Variants in PPID observed in about 807,000 individuals in gnomAD.
The protein encoded by PPID is peptidyl-prolyl cis-trans isomerase D.
In PPID, 47 loss-of-function variants were observed where a neutral mutation model predicts 48.1. The ratio of observed to expected loss-of-function variants is 0.98; its 90% CI spans 0.77 to 1.25. PPID has a LOEUF of 1.25. Ranked by LOEUF, PPID falls within the 50% of genes most tolerant of loss-of-function variation. The pLI is 0.00. For missense variants in PPID, 429 were observed against 443.5 expected (o/e 0.97, Z 0.29); for synonymous variants, 163 against 148.8 (o/e 1.10, Z -0.69).
intron 9 of PPID, chr4:158,710,109 C>T: frequency 2.4e-6 from 1 of 422,232 alleles, no homozygotes; most frequent in African/African-American, 2.0e-5. Flanking sequence ...AGACCAAAGA[C>T]ATTTTGTAAT....
In PPID at chr4:158,721,334, T is replaced by C. The variant is rs1438693764; in HGVS notation, c.226+9A>G. ...GAAGAATAACAAGATTAAGAAAATT[T>C]ACACATACTTCGATGAAAAGGGCAT... On this transcript the variant is annotated intron_variant, in intron 2 of 9. Coordinates refer to ENST00000307720, the MANE Select transcript of PPID (RefSeq NM_005038.3). 1 of 1,613,184 alleles carries C rather than the reference T, an allele frequency of 6.2e-7. No individual in the cohort carries two copies. The highest frequency in any genetic ancestry group is 8.5e-7 in the Non-Finnish European group (1 of 1,179,440).
At chr4:158,710,994 T>C (rs1774781415) in intron 7 of PPID, 146 bp from the exon 8 acceptor site, 3 of 716,460 alleles carry the variant, frequency 4.2e-6, no homozygotes, top group Non-Finnish European at 6.9e-6. Flanking sequence ...CCTCTGCCAG[T>C]GGGCACTAAG....
chr4:158,719,967 C>A (rs964811192), intron 2 of PPID, among the ~76,000 whole-genome samples: 2 of 152,142 alleles, frequency 1.3e-5, no homozygotes, highest in Non-Finnish European at 2.9e-5. Context: ...ATGCTTTCTC[C>A]GTCCCATGAA....
rs375804461 is a variant in PPID, at chr4:158,710,664, G to A, written c.988C>T (p.Leu330Phe). The part of the protein sequence containing the change: ...LKEYDQALAD[L>F]KKAQGIAPED... ...GGTGCTATCCCCTGAGCTTTCTTAA[G>A]ATCAGCCTTTAATTGGAAAAAAACA... The change falls in exon 9 of 10, where the codon CTT becomes TTT. Residue 330 changes from leucine to phenylalanine, a missense_variant. Physicochemically the swap from Leu to Phe is conservative, Grantham distance 22. Coordinates refer to ENST00000307720, the MANE Select transcript of PPID (RefSeq NM_005038.3). 1.2e-6 allele frequency: 2 copies of A among 1,613,740 alleles called. No homozygotes were observed. The highest frequency in any genetic ancestry group is 2.2e-5 in the East Asian group (1 of 44,870).
At chr4:158,720,558 TAAACA>T (rs1213617801) in intron 2 of PPID, among the ~76,000 whole-genome samples, 1 of 152,178 alleles carries the variant, frequency 6.6e-6, no homozygotes, top group Non-Finnish European at 1.5e-5. Context: ...CCATTATCAC[TAAACA>T]AAAGTATGAT....
In PPID at chr4:158,721,480, C is replaced by T. The variant is rs1187991058; in HGVS notation, c.89G>A (p.Gly30Asp). The T allele has an allele frequency of 1.2e-6, 2 of 1,612,620 alleles. No individual in the cohort carries two copies. Among genetic ancestry groups the T allele is most frequent in the African/African-American group, 2.7e-5 (2 of 74,856 alleles). ...FDVDIGGERV[G>D]RIVLELFADI... ...TGCAAACAATTCTAAGACAATTCGACCAACTAAAAGAAAAGAAAATCTTGT... is the reference window on the plus strand; with the variant it reads ...TGCAAACAATTCTAAGACAATTCGATCAACTAAAAGAAAAGAAAATCTTGT... Residue 30 changes from glycine to aspartate, a missense_variant, in exon 2 of 10, where the codon GGT becomes GAT. Gly to Asp is a moderately conservative substitution (Grantham distance 94). Coordinates refer to ENST00000307720, the MANE Select transcript of PPID (RefSeq NM_005038.3).
chr4:158,723,387 G>A lies in PPID; in HGVS notation c.-99C>T. 3 of 1,211,932 alleles carry A rather than the reference G, an allele frequency of 2.5e-6. No homozygotes were observed. The highest frequency in any genetic ancestry group is 2.5e-5 in the East Asian group (1 of 39,400). 75.1% of individuals were successfully genotyped at this position (1,211,932 alleles called of 1,614,324 possible). ...TCCGTCTCCGCCGGAGACCGGCAGC[G>A]ACGCTGACCGGCCACTTCCGACGCA... is the stretch of plus-strand genomic sequence containing the variant. On this transcript the variant is annotated 5_prime_UTR_variant, in exon 1 of 10. Coordinates refer to ENST00000307720, the MANE Select transcript of PPID (RefSeq NM_005038.3).
intron 5 of PPID, 72 bp from the exon 6 acceptor site, chr4:158,715,475 G>C (rs997490311): frequency 1.0e-5 from 16 of 1,543,626 alleles, no homozygotes; most frequent in Non-Finnish European, 8.8e-7. Context: ...TATCATATGA[G>C]AGACTGAAAC....
At chr4:158,719,681 A>G (rs937747284) in intron 2 of PPID, among the ~76,000 whole-genome samples, 38 of 152,236 alleles carry the variant, frequency 2.5e-4, no homozygotes, top group African/African-American at 8.7e-4. Context: ...TTACATCCTT[A>G]TAACTATGTG....
In PPID at chr4:158,713,843, T is replaced by C. The variant is rs142923966; in HGVS notation, c.753-583A>G. Among the ~76,000 whole-genome samples the C allele has an allele frequency of 1.7e-3, 255 of 152,166 alleles. 2 individuals carry two copies. Among genetic ancestry groups the C allele is most frequent in the African/African-American group, 5.8e-3 (242 of 41,508 alleles). The stretch of plus-strand genomic sequence containing the variant: ...GAAAGGGGCCTTCCACTGAACAAAT[T>C]TGGAACCCTTTGGGCATGAAAAAGA... On this transcript the variant is annotated intron_variant, in intron 6 of 9. Coordinates refer to ENST00000307720, the MANE Select transcript of PPID (RefSeq NM_005038.3).
In PPID at chr4:158,713,139, C is replaced by T. The variant is rs1488657103; in HGVS notation, c.874G>A (p.Ala292Thr). 6.2e-7 allele frequency: 1 copy of T among 1,614,036 alleles called. No individual in the cohort carries two copies. The highest frequency in any genetic ancestry group is 1.1e-5 in the South Asian group (1 of 91,078). Reference protein sequence around the residue: ...CKLKMSNWQGAIDSCLEALEL... With the variant: ...CKLKMSNWQGTIDSCLEALEL... ...CTTACCTCTAAACAACTGTCAATTG[C>T]TCCCTGCCAATTTGACATCTTCAGT... The change falls in exon 7 of 10, where the codon GCA (alanine) becomes ACA (threonine). Residue 292 changes from alanine (A) to threonine (T), a missense_variant. Transcript: ENST00000307720.
At chr4:158,712,030 T>C (rs956175431) in intron 7 of PPID, among the ~76,000 whole-genome samples, 2 of 152,226 alleles carry the variant, frequency 1.3e-5, no homozygotes, top group African/African-American at 4.8e-5. Flanking sequence ...CCCTTCTAAA[T>C]ATATTCCTAT....
In PPID at chr4:158,721,003, T is replaced by C. The variant is rs1399919219; in HGVS notation, c.226+340A>G. ...TGCTGGGATTACAGGCGTGAGCCACTGCGCCCGGTCTATGCATAACTTTTT... is the reference window on the plus strand; with the variant it reads ...TGCTGGGATTACAGGCGTGAGCCACCGCGCCCGGTCTATGCATAACTTTTT... On this transcript the variant is annotated intron_variant, in intron 2 of 9. Coordinates refer to ENST00000307720, the MANE Select transcript of PPID (RefSeq NM_005038.3). 5.3e-5 allele frequency among the ~76,000 whole-genome samples: 8 copies of C among 152,234 alleles called. 1 individual carries two copies. The highest frequency in any genetic ancestry group is 5.2e-4 in the Admixed American group (8 of 15,282).
intron 2 of PPID, among the ~76,000 whole-genome samples, chr4:158,721,067 A>G (rs888066765): frequency 1.3e-5 from 2 of 152,192 alleles, no homozygotes; most frequent in Admixed American, 6.5e-5. Flanking sequence ...TTGGTTGACT[A>G]CGGCCTTCCT....
Position 158,719,191 on chromosome 4 carries a change from A to C in PPID, c.322T>G (p.Phe108Val). 1 of 1,586,926 alleles carries C rather than the reference A, an allele frequency of 6.3e-7. No individual in the cohort carries two copies. Among genetic ancestry groups the C allele is most frequent in the Non-Finnish European group, 8.6e-7 (1 of 1,156,320 alleles). ...IYGEKFEDEN[F>V]HYKHDREGLL... ...TTTCTCTACTTTACCTTGTAATGGA[A>C]ATTTTCATCTTCAAATTTTTCACCA... is the stretch of plus-strand genomic sequence containing the variant. The change falls in exon 3 of 10, where the codon TTC becomes GTC. Residue 108 changes from phenylalanine (F) to valine (V), a missense_variant. Transcript: ENST00000307720.
chr4:158,711,872 T>A (rs1774795760), intron 7 of PPID, among the ~76,000 whole-genome samples: 1 of 151,948 alleles, frequency 6.6e-6, no homozygotes, highest in African/African-American at 2.4e-5. Flanking sequence ...GAGGCTGAGG[T>A]AGGAGGATCA....
intron 9 of PPID, 83 bp from the exon 10 acceptor site, chr4:158,709,907 T>C: frequency 1.8e-6 from 2 of 1,121,140 alleles, no homozygotes; most frequent in Non-Finnish European, 2.6e-6. Context: ...TAATGTTAAC[T>C]ACCCCTTGAA....
At chr4:158,717,237 A>G (rs754132181) in intron 3 of PPID, 37 bp from the exon 4 acceptor site, 2 of 1,565,410 alleles carry the variant, frequency 1.3e-6, no homozygotes, top group Non-Finnish European at 1.7e-6. Flanking sequence ...CCAAGGTTAG[A>G]TGTGTTCTTT....
At chr4:158,722,250 A>G (rs1774974823) in intron 1 of PPID, among the ~76,000 whole-genome samples, 1 of 152,234 alleles carries the variant, frequency 6.6e-6, no homozygotes, top group Non-Finnish European at 1.5e-5. Context: ...AATCCTGAGT[A>G]ATTTCTTCAA....
Sources: gnomAD v4.1 joint callset for allele counts (sites outside exome capture counted in the v4.1 genomes callset) on GRCh38, gnomAD v4.1.1 for gene constraint, MANE v1.5 for transcripts, NCBI Gene and HGNC (gene_info 2026-07-23, HGNC 2026-07-21) for gene names.